RLN2: variants seen among roughly 807,000 people sequenced by gnomAD.
RLN2 encodes relaxin 2.
Under a neutral mutation model 7.3 loss-of-function variants are expected in RLN2, and 10 were observed. The observed-to-expected ratio is 1.36, with a 90% CI of 0.84 to 2.31. The LOEUF is 2.31. RLN2 is among the 30% of genes most tolerant of loss of function. The probability of loss-of-function intolerance (pLI) is 0.00; values close to 1 mark genes in which losing one functional copy is unlikely to be tolerated. For synonymous variants in RLN2, 103 were observed against 82.3 expected (o/e 1.25, Z -1.36); for missense variants, 298 against 217.6 (o/e 1.37, Z -2.32).
rs1247850136 is a variant in RLN2 at position 5,300,094 on chromosome 9, C to A, written c.*4G>T. 2 of 1,579,510 alleles carry A rather than the reference C, an allele frequency of 1.3e-6. No individual in the cohort carries two copies. The highest frequency in any genetic ancestry group is 1.7e-6 in the Non-Finnish European group (2 of 1,161,812). ...TATACGAGATGTGCACAATTAGCTT[C>A]ATCTCAGCAAAATCTAGCAAGAGAT... is the stretch of plus-strand genomic sequence containing the variant. On this transcript the variant is annotated 3_prime_UTR_variant, in exon 2 of 2. Coordinates refer to ENST00000381627, the MANE Select transcript of RLN2 (RefSeq NM_134441.3).
the RLN2 span, among the ~76,000 whole-genome samples, chr9:5,336,097 A>G: frequency 6.6e-6 from 1 of 152,016 alleles, no homozygotes; most frequent in Non-Finnish European, 1.5e-5. Context: ...CTGGAGGATA[A>G]AGTTAAAGAG....
the RLN2 span, chr9:5,335,655 G>A: frequency 1.5e-5 from 15 of 1,024,144 alleles, no homozygotes; most frequent in Admixed American, 2.2e-4. Flanking sequence ...AGAGCATTCA[G>A]AAAAACTGTG....
the RLN2 span, among the ~76,000 whole-genome samples, chr9:5,316,124 C>T: frequency 6.6e-6 from 1 of 151,768 alleles, no homozygotes. Flanking sequence ...CCAAAAGAGT[C>T]AAAAATAATA....
At chr9:5,314,277 C>T in the RLN2 span, among the ~76,000 whole-genome samples, 101 of 152,106 alleles carry the variant, frequency 6.6e-4, no homozygotes, top group African/African-American at 2.2e-3. Context: ...CAAATTGTTG[C>T]GCACCATCCA....
chr9:5,327,551 T>C, the RLN2 span, among the ~76,000 whole-genome samples: 1 of 152,002 alleles, frequency 6.6e-6, no homozygotes, highest in Non-Finnish European at 1.5e-5. Context: ...AAGAGAGCAG[T>C]GGTTCTCTCA....
At position 5,300,277 on chromosome 9, in the gene RLN2, CAA is replaced by C. The variant is rs1299340601; in HGVS notation, c.377_378del (p.Phe126Ter). 6.2e-7 allele frequency: 1 copy of C among 1,613,994 alleles called. No individual in the cohort carries two copies. On this transcript the variant is annotated frameshift_variant, in exon 2 of 2. Transcript: ENST00000381627. LOFTEE classifies it low-confidence loss of function (END_TRUNC). Reference sequence around the variant, plus strand: ...TTGCGAATAAGTTTCTTAAATTCTTCAAAGAGAAGACTGGAATCTTTTAATAC... The same window carrying C: ...TTGCGAATAAGTTTCTTAAATTCTTCAGAGAAGACTGGAATCTTTTAATAC... ...VPVLKDSSLLFEEFKKLIRNR... is the reference protein window; with the variant it reads ...VPVLKDSSLLXEEFKKLIRNR...
At chr9:5,326,355 T>G in the RLN2 span, among the ~76,000 whole-genome samples, 2 of 152,082 alleles carry the variant, frequency 1.3e-5, 1 homozygote, top group Non-Finnish European at 2.9e-5. Context: ...GCAGATCCAG[T>G]GACAGGTGGA....
the RLN2 span, among the ~76,000 whole-genome samples, chr9:5,323,847 G>T: frequency 6.6e-6 from 1 of 152,024 alleles, no homozygotes; most frequent in Admixed American, 6.6e-5. Flanking sequence ...AGGAGTTCAA[G>T]ACCAACCTGG....
chr9:5,318,007 C>CGTGTGTGCGTGTGTGT, the RLN2 span, among the ~76,000 whole-genome samples: 7 of 147,948 alleles, frequency 4.7e-5, no homozygotes, highest in African/African-American at 1.8e-4. Context: ...TGTGTGTGTG[C>CGTGTGTGCGTGTGTGT]GTGTGTGTGT....
the RLN2 span, among the ~76,000 whole-genome samples, chr9:5,314,764 T>C: frequency 6.6e-6 from 1 of 152,016 alleles, no homozygotes; most frequent in Non-Finnish European, 1.5e-5. Context: ...TCCAGGGTCC[T>C]TGCTGCTGTC....
the RLN2 span, chr9:5,335,387 G>A: frequency 1.9e-6 from 3 of 1,613,646 alleles, no homozygotes; most frequent in South Asian, 3.3e-5. Context: ...ATTGCTGTCT[G>A]CGGCTTCACT....
chr9:5,335,448 C>A, the RLN2 span: 1 of 1,613,706 alleles, frequency 6.2e-7, no homozygotes, highest in African/African-American at 1.3e-5. Flanking sequence ...AGATTGGAAT[C>A]CTTTAATGCA....
the RLN2 span, chr9:5,335,728 A>G: frequency 3.2e-6 from 2 of 629,106 alleles, no homozygotes; most frequent in African/African-American, 3.7e-5. Context: ...TTGAAACACA[A>G]AAGCATCCTA....
At chr9:5,320,890 C>G in the RLN2 span, among the ~76,000 whole-genome samples, 1 of 151,974 alleles carries the variant, frequency 6.6e-6, no homozygotes, top group Non-Finnish European at 1.5e-5. Flanking sequence ...CTGAATGTAA[C>G]AGATGGAAGC....
chr9:5,306,321 T>A (rs1050903191), upstream of RLN2, among the ~76,000 whole-genome samples: 10 of 151,886 alleles, frequency 6.6e-5, no homozygotes, highest in Non-Finnish European at 1.2e-4. Context: ...TTGGACAGGC[T>A]GGTCTGAAAC....
At chr9:5,306,931 C>A (rs1022437590), upstream of RLN2, among the ~76,000 whole-genome samples, 1 of 152,070 alleles carries the variant, frequency 6.6e-6, no homozygotes. Flanking sequence ...AACCTAAGCA[C>A]AAGTGTGGAG....
chr9:5,305,744 G>C (rs895750663), upstream of RLN2, among the ~76,000 whole-genome samples: 37 of 152,044 alleles, frequency 2.4e-4, no homozygotes, highest in African/African-American at 8.4e-4. Flanking sequence ...AGGACATTAG[G>C]GTAGCTTTGA....
chr9:5,321,095 T>A, the RLN2 span, among the ~76,000 whole-genome samples: 27 of 152,154 alleles, frequency 1.8e-4, 1 homozygote, highest in Non-Finnish European at 2.9e-4. Context: ...AAAGCAGAAT[T>A]TTTGAAAATC....
upstream of RLN2, among the ~76,000 whole-genome samples, chr9:5,307,306 TA>T (rs959262572): frequency 6.8e-6 from 1 of 146,782 alleles, no homozygotes; most frequent in Non-Finnish European, 1.5e-5. Context: ...GATAGATAGA[TA>T]GATGATAGAT....
Sources: allele counts gnomAD v4.1 joint callset (sites outside exome capture counted in the v4.1 genomes callset), GRCh38; gene constraint gnomAD v4.1.1; transcripts MANE v1.5; gene names NCBI Gene and HGNC (gene_info 2026-07-23, HGNC 2026-07-21).